Variants in CENPE observed in about 807,000 individuals in gnomAD.
CENPE encodes the protein centromere-associated protein E.
In CENPE, 145 loss-of-function variants were observed where a neutral mutation model predicts 336.1. That is an observed-to-expected ratio of 0.43 (90% CI 0.38 to 0.50). CENPE has a LOEUF of 0.50. Ranked by LOEUF, CENPE falls within the 20% of genes least tolerant of loss-of-function variation. The pLI, the probability that CENPE is intolerant of heterozygous loss-of-function variation, is 0.00. For synonymous variants in CENPE, 1,013 were observed against 984.8 expected, an observed-to-expected ratio of 1.03 and a Z score of -0.54; for missense variants, 2,719 against 3,023.3, an observed-to-expected ratio of 0.90 and a Z score of 2.36.
At chr4:103,110,313 T>C (rs1362373161) in intron 47 of CENPE, among the ~76,000 whole-genome samples, 3 of 152,206 alleles carry the variant, frequency 2.0e-5, no homozygotes, top group East Asian at 3.8e-4. Flanking sequence ...CCTTTTATAA[T>C]GTCCTTTTTG....
chr4:103,170,828 G>A (rs760297475), intron 16 of CENPE, among the ~76,000 whole-genome samples: 2 of 152,094 alleles, frequency 1.3e-5, no homozygotes, highest in Non-Finnish European at 2.9e-5. Context: ...TAGATGGAAA[G>A]GAAGGGGTGG....
rs536378189 is a variant in CENPE at position 103,165,000 on chromosome 4, T to C, written c.1648-1447A>G. On this transcript the variant is annotated intron_variant, in intron 16 of 48. Coordinates refer to ENST00000265148, the MANE Select transcript of CENPE (RefSeq NM_001813.3). ...ATAGATAATGAAAACATTTAAAGAATACTAATTTAGAAAAGAAAATTTTCC... is the reference window on the plus strand; with the variant it reads ...ATAGATAATGAAAACATTTAAAGAACACTAATTTAGAAAAGAAAATTTTCC... Among the ~76,000 whole-genome samples the C allele has an allele frequency of 4.6e-5, 7 of 152,284 alleles. No homozygotes were observed. The South Asian group carries it at 1.4e-3, about 32-fold the overall frequency.
chr4:103,178,340 A>G (rs1192370287), intron 13 of CENPE, among the ~76,000 whole-genome samples: 1 of 152,062 alleles, frequency 6.6e-6, no homozygotes, highest in Non-Finnish European at 1.5e-5. Context: ...TTCATTACCT[A>G]CAAAGGCTAG....
At chr4:103,159,791 GA>G (rs1045551265) in intron 21 of CENPE, among the ~76,000 whole-genome samples, 2 of 150,942 alleles carry the variant, frequency 1.3e-5, no homozygotes, top group Admixed American at 1.3e-4. Context: ...TATGGTCCAT[GA>G]AAAAAATAAA....
At chr4:103,182,568 GC>G (rs1756413361) in intron 11 of CENPE, among the ~76,000 whole-genome samples, 193 bp downstream of exon 11, 1 of 151,996 alleles carries the variant, frequency 6.6e-6, no homozygotes, top group African/African-American at 2.4e-5. Context: ...GTTGGGTGTG[GC>G]AAAAATTATG....
At chr4:103,175,866 A>T in intron 15 of CENPE, 94 bp downstream of exon 15, 1 of 737,914 alleles carries the variant, frequency 1.4e-6, no homozygotes, top group Non-Finnish European at 2.2e-6. Flanking sequence ...CAAAATCATT[A>T]CTGAAATTAA....
intron 42 of CENPE, among the ~76,000 whole-genome samples, chr4:103,131,811 C>T (rs1394601174): frequency 6.6e-6 from 1 of 151,998 alleles, no homozygotes; most frequent in African/African-American, 2.4e-5. Context: ...ATGGACAAAA[C>T]GTAAATAAAT....
Position 103,176,913 on chromosome 4 carries a change from C to A in CENPE, c.1376G>T (p.Arg459Leu). The A allele has an allele frequency of 6.4e-7, 1 of 1,573,678 alleles. No homozygotes were observed. The change falls in exon 14 of 49, where the codon CGA becomes CTA. Residue 459 changes from arginine to leucine, a missense_variant. Coordinates refer to ENST00000265148, the MANE Select transcript of CENPE (RefSeq NM_001813.3). The stretch of plus-strand genomic sequence containing the variant: ...AAAGCACTCACATTCATCAATTTCT[C>A]GTAATAAATTTATAGAAAGCTTATG... ...KTHKLSINLL[R>L]EIDESVCSES...
At chr4:103,198,012 G>A (rs575335522) in intron 1 of CENPE, among the ~76,000 whole-genome samples, 1 of 152,370 alleles carries the variant, frequency 6.6e-6, no homozygotes, top group South Asian at 2.1e-4. Context: ...AGGCAGAGCA[G>A]CACAGAAGGG....
At chr4:103,166,997 A>T (rs1754979762) in intron 16 of CENPE, among the ~76,000 whole-genome samples, 1 of 152,152 alleles carries the variant, frequency 6.6e-6, no homozygotes, top group South Asian at 2.1e-4. Context: ...TTTTATACTT[A>T]GAAAATGAGT....
At chr4:103,127,502 TAAAG>T (rs1233725451) in intron 42 of CENPE, among the ~76,000 whole-genome samples, 19 of 151,654 alleles carry the variant, frequency 1.3e-4, no homozygotes, top group Non-Finnish European at 2.2e-4. Context: ...CAGATCTACA[TAAAG>T]AAAGGAAGAG....
chr4:103,126,787 C>T (rs940886964), intron 42 of CENPE, among the ~76,000 whole-genome samples: 13 of 151,886 alleles, frequency 8.6e-5, no homozygotes, highest in African/African-American at 1.7e-4. Flanking sequence ...TTAAGAGAAA[C>T]GAAGAATGCC....
At chr4:103,113,546 A>G (rs930986650) in intron 46 of CENPE, among the ~76,000 whole-genome samples, 7 of 140,484 alleles carry the variant, frequency 5.0e-5, no homozygotes, top group African/African-American at 1.8e-4. Context: ...TAACTTATAT[A>G]TAATATATAA....
chr4:103,165,684 G>A (rs990521942), intron 16 of CENPE, among the ~76,000 whole-genome samples: 6 of 151,980 alleles, frequency 3.9e-5, no homozygotes, highest in Admixed American at 3.3e-4. Flanking sequence ...TAAATTTTGT[G>A]TCGAATTAAA....
intron 36 of CENPE, 76 bp from the exon 37 acceptor site, chr4:103,140,490 A>G (rs1752455163): frequency 2.9e-6 from 3 of 1,035,456 alleles, no homozygotes; most frequent in Middle Eastern, 2.5e-4. Context: ...GAGTTTAAAC[A>G]AAATCTTAAA....
At chr4:103,180,606 C>CT in intron 12 of CENPE, 137 bp from the exon 13 acceptor site, 4 of 570,604 alleles carry the variant, frequency 7.0e-6, no homozygotes, top group South Asian at 3.4e-5. Context: ...AAAATATACT[C>CT]TAACTGTAGA....
Position 103,106,192 on chromosome 4 carries a change from T to G in CENPE, c.*30A>C. ...AAAGTCATTTCCAAATAAGGAATGC[T>G]GGATCTCCAGAGAAGTGACAAAGAG... On this transcript the variant is annotated 3_prime_UTR_variant, in exon 49 of 49. Coordinates refer to ENST00000265148, the MANE Select transcript of CENPE (RefSeq NM_001813.3). 1 of 1,418,670 alleles carries G rather than the reference T, an allele frequency of 7.0e-7. No homozygotes were observed. The highest frequency in any genetic ancestry group is 9.6e-7 in the Non-Finnish European group (1 of 1,041,492). 87.9% of individuals were successfully genotyped at this position (1,418,670 alleles called of 1,614,324 possible). A position where few individuals can be genotyped will look rare whatever the true frequency, so the allele number is the denominator to read the frequency against.
chr4:103,106,017 A>G lies in CENPE; in HGVS notation c.*205T>C. On this transcript the variant is annotated 3_prime_UTR_variant, in exon 49 of 49. Coordinates refer to ENST00000265148, the MANE Select transcript of CENPE (RefSeq NM_001813.3). ...ATTCAACTTTTAAAAGTATTACCAT[A>G]TGCAAGAAGAAGGTATTGCTATCAC... 2.7e-6 allele frequency: 1 copy of G among 368,916 alleles called. No individual in the cohort carries two copies. The highest frequency in any genetic ancestry group is 3.9e-5 in the East Asian group (1 of 25,432). 22.9% of individuals were successfully genotyped at this position (368,916 alleles called of 1,614,324 possible).
intron 44 of CENPE, among the ~76,000 whole-genome samples, chr4:103,118,461 C>G (rs1008116486): frequency 1.6e-4 from 25 of 152,138 alleles, no homozygotes; most frequent in Non-Finnish European, 5.9e-5. Flanking sequence ...CTTTTATATA[C>G]AGTTTCTGCC....
Sources: gnomAD v4.1 joint callset for allele counts (sites outside exome capture counted in the v4.1 genomes callset) on GRCh38, gnomAD v4.1.1 for gene constraint, MANE v1.5 for transcripts, NCBI Gene and HGNC (gene_info 2026-07-23, HGNC 2026-07-21) for gene names.